Variants in DGCR8 observed in about 807,000 individuals in gnomAD.
DGCR8 encodes the protein DGCR8 microprocessor complex subunit.
In DGCR8, 14 loss-of-function variants were observed where a neutral mutation model predicts 78.5. That is an observed-to-expected ratio of 0.18 (90% CI 0.12 to 0.28). DGCR8 has a LOEUF of 0.28. DGCR8 is among the 10% of genes least tolerant of loss of function. The probability of loss-of-function intolerance (pLI) is 1.00; values close to 1 mark genes in which losing one functional copy is unlikely to be tolerated. For synonymous variants in DGCR8, 399 were observed against 402.4 expected (o/e 0.99, Z 0.10); for missense variants, 702 against 1,022.5 (o/e 0.69, Z 4.28).
chr22:20,098,658 C>G (rs2049659670), intron 9 of DGCR8, among the ~76,000 whole-genome samples: 1 of 152,140 alleles, frequency 6.6e-6, no homozygotes, highest in Non-Finnish European at 1.5e-5. Flanking sequence ...TCTCAAAGTT[C>G]TGGAAGCCAG....
chr22:20,107,448 G>A, intron 12 of DGCR8, 50 bp downstream of exon 12: 17 of 1,610,186 alleles, frequency 1.1e-5, no homozygotes, highest in Non-Finnish European at 1.4e-5. Flanking sequence ...CCACCCTGGA[G>A]CGTATTCCTG....
At position 20,100,224 on chromosome 22, in the gene DGCR8, G is replaced by A. The variant is rs374560155; in HGVS notation, c.1788+5429G>A. 21 of 414,750 alleles carry A rather than the reference G, an allele frequency of 5.1e-5. No homozygotes were observed. In the East Asian group the frequency reaches 1.3e-3, roughly 25 times the overall value. 25.7% of individuals were successfully genotyped at this position (414,750 alleles called of 1,614,324 possible). The stretch of plus-strand genomic sequence containing the variant: ...TGGGACTACAGGTGCACGCCACCAC[G>A]CCCGGCTAATTTTTGTATTTTTAGT... On this transcript the variant is annotated intron_variant, in intron 9 of 13. Transcript: ENST00000351989.
chr22:20,092,712 C>T (rs1162440702), intron 7 of DGCR8, 97 bp from the exon 8 acceptor site: 5 of 1,049,036 alleles, frequency 4.8e-6, no homozygotes, highest in South Asian at 1.5e-5. Flanking sequence ...GCAGGGACAG[C>T]CCCTGACTGC....
intron 8 of DGCR8, among the ~76,000 whole-genome samples, chr22:20,093,687 G>C (rs1043592219): frequency 4.6e-5 from 7 of 152,242 alleles, no homozygotes; most frequent in East Asian, 1.9e-4. Context: ...TAGCCACACA[G>C]AACACCTGGC....
Position 20,085,587 on chromosome 22 carries a change from C to T in DGCR8, c.-277-100C>T, listed in dbSNP as rs1241691981. 2 of 943,274 alleles carry T rather than the reference C, an allele frequency of 2.1e-6. No homozygotes were observed. The allele number at this position is 943,274 out of a possible 1,614,324, so 58.4% of individuals were successfully genotyped here. A position where few individuals can be genotyped will look rare whatever the true frequency, so the allele number is the denominator to read the frequency against. ...CCTCTTAGGGAATATTATTTTGAAG[C>T]CCTTTACTATGCTGTTAATAGTGCT... On this transcript the variant is annotated intron_variant, in intron 1 of 13. Transcript: ENST00000351989. This position sits in a 1 kb window ranked among gnomAD's most constrained non-coding sequence, Gnocchi z 6.2.
Position 20,091,451 on chromosome 22 carries a change from A to G in DGCR8, c.1323A>G (p.Arg441=). 2 of 1,614,230 alleles carry G rather than the reference A, an allele frequency of 1.2e-6. No homozygotes were observed. The highest frequency in any genetic ancestry group is 1.7e-6 in the Non-Finnish European group (2 of 1,180,046). ...CTGGGACAGATCTCGAGGAATTTCG[A>G]AGCTACCTGGAGAAGCGTTTTGACT... ...KDESVDLEEF[R]SYLEKRFDFE... is the part of the protein sequence containing the mutation. Residue 441 remains arginine, a synonymous_variant, in exon 6 of 14, where the codon CGA becomes CGG. Coordinates refer to ENST00000351989, the MANE Select transcript of DGCR8 (RefSeq NM_022720.7).
chr22:20,080,478 C>T lies in DGCR8; in HGVS notation c.-278+95C>T. 4.1e-6 allele frequency: 4 copies of T among 983,518 alleles called. No individual in the cohort carries two copies. The South Asian group carries it at 1.4e-4, about 35-fold the overall frequency. 60.9% of individuals were successfully genotyped at this position (983,518 alleles called of 1,614,324 possible). ...CTTCCCTCCCGCCTCCCTCCGGGAC[C>T]GAGGCCGCGGGCGGGGCGGGGGCGC... On this transcript the variant is annotated intron_variant, in intron 1 of 13. Transcript: ENST00000351989.
intron 1 of DGCR8, among the ~76,000 whole-genome samples, chr22:20,083,591 T>C (rs2049442230): frequency 6.6e-6 from 1 of 152,134 alleles, no homozygotes; most frequent in African/African-American, 2.4e-5. Context: ...TTCTTCGCCT[T>C]CTGTGGTAGC....
At chr22:20,088,243 G>T (rs956348256) in intron 3 of DGCR8, among the ~76,000 whole-genome samples, 36 of 152,196 alleles carry the variant, frequency 2.4e-4, no homozygotes, top group African/African-American at 8.4e-4. Flanking sequence ...ACGGTTGCAG[G>T]CAGGGTAAAC....
At chr22:20,083,998 C>G (rs768043957) in intron 1 of DGCR8, among the ~76,000 whole-genome samples, 148 of 152,274 alleles carry the variant, frequency 9.7e-4, no homozygotes, top group Middle Eastern at 3.4e-3. Flanking sequence ...CCATTAGATT[C>G]AGAAATGTTA....
At chr22:20,100,694 T>C (rs149694693) in intron 9 of DGCR8, 12 of 985,376 alleles carry the variant, frequency 1.2e-5, no homozygotes, top group Middle Eastern at 5.2e-4. Flanking sequence ...AGAAACCACA[T>C]TGCAAAGTAG....
rs1486385373 is a variant in DGCR8, at chr22:20,092,872, C to T, written c.1670C>T (p.Thr557Ile). 9 of 1,613,608 alleles carry T rather than the reference C, an allele frequency of 5.6e-6. No homozygotes were observed. Among genetic ancestry groups the T allele is most frequent in the Non-Finnish European group, 1.7e-6 (2 of 1,179,742 alleles). Reference protein sequence around the residue: ...TIDGVTYGSGTASSKKLAKNK... With the variant: ...TIDGVTYGSGIASSKKLAKNK... ...GATGGTGTGACTTACGGATCTGGAA[C>T]TGCAAGCAGCAAAAAACTTGCGAAG... is the stretch of plus-strand genomic sequence containing the variant. Residue 557 changes from threonine to isoleucine, a missense_variant, in exon 8 of 14, where the codon ACT becomes ATT. Thr to Ile is a moderately conservative substitution (Grantham distance 89). This residue lies in a region of DGCR8 where 225 missense variants were observed against 427.7 expected (regional missense o/e 0.53). Transcript: ENST00000351989.
chr22:20,097,728 G>A (rs1298900678), intron 9 of DGCR8, among the ~76,000 whole-genome samples: 2 of 151,412 alleles, frequency 1.3e-5, no homozygotes, highest in East Asian at 1.9e-4. Context: ...CATTCTGCTG[G>A]TAAACCCCTC....
intron 5 of DGCR8, 150 bp downstream of exon 5, chr22:20,090,408 C>T (rs1602482513): frequency 1.0e-6 from 1 of 989,728 alleles, no homozygotes; most frequent in Non-Finnish European, 1.4e-6. Context: ...AAAGGCTTGT[C>T]TTCCTGTCCT....
In DGCR8 at chr22:20,087,347, G is replaced by A; in HGVS notation, c.880+26G>A. The stretch of plus-strand genomic sequence containing the variant: ...GTACGTGTGTGGGTCAGAAGCAGTG[G>A]GTGTTCCAGGGCAGTGGAGGGGTGG... On this transcript the variant is annotated intron_variant, in intron 3 of 13. Transcript: ENST00000351989. This position sits in a 1 kb window ranked among gnomAD's most constrained non-coding sequence, Gnocchi z 4.1. The A allele has an allele frequency of 6.3e-7, 1 of 1,580,104 alleles. No homozygotes were observed.
intron 7 of DGCR8, among the ~76,000 whole-genome samples, chr22:20,092,478 G>T (rs1350840341): frequency 6.6e-6 from 1 of 152,182 alleles, no homozygotes; most frequent in Non-Finnish European, 1.5e-5. Context: ...GCCACATCTT[G>T]TGCTTTCCCA....
intron 13 of DGCR8, among the ~76,000 whole-genome samples, chr22:20,109,594 C>A (rs2049810986): frequency 6.6e-6 from 1 of 152,188 alleles, no homozygotes; most frequent in Non-Finnish European, 1.5e-5. Context: ...CCTCCTGGAG[C>A]CAGTGGGACT....
intron 11 of DGCR8, 149 bp downstream of exon 11, chr22:20,106,847 C>T (rs550048779): frequency 3.4e-5 from 22 of 639,786 alleles, no homozygotes; most frequent in African/African-American, 9.1e-5. Context: ...CAGCCTAAGG[C>T]GGACTGGCAG....
In DGCR8 at chr22:20,087,030, C is replaced by T. The variant is rs1047510524; in HGVS notation, c.721-132C>T. 1.0e-5 allele frequency: 12 copies of T among 1,187,838 alleles called. No individual in the cohort carries two copies. The highest frequency in any genetic ancestry group is 2.8e-4 in the Middle Eastern group (1 of 3,554). The allele number at this position is 1,187,838 out of a possible 1,614,324, so 73.6% of individuals were successfully genotyped here. A position where few individuals can be genotyped will look rare whatever the true frequency, so the allele number is the denominator to read the frequency against. On this transcript the variant is annotated intron_variant, in intron 2 of 13. Coordinates refer to ENST00000351989, the MANE Select transcript of DGCR8 (RefSeq NM_022720.7). The surrounding 1 kb of genome is among the most constrained non-coding windows in gnomAD (Gnocchi z 4.1). ...CCTGTTTGTTTTTCAGATGATCATGCACCCTAAGGGCACATCTAGGCCCCC... is the reference window on the plus strand; with the variant it reads ...CCTGTTTGTTTTTCAGATGATCATGTACCCTAAGGGCACATCTAGGCCCCC...
Sources: allele counts gnomAD v4.1 joint callset (sites outside exome capture counted in the v4.1 genomes callset), GRCh38; gene constraint gnomAD v4.1.1; regional missense constraint gnomAD v4.1.1; non-coding constraint Gnocchi (gnomAD v3.1); transcripts MANE v1.5; gene names NCBI Gene and HGNC (gene_info 2026-07-23, HGNC 2026-07-21).